TP73: variants seen among roughly 807,000 people sequenced by gnomAD.
The protein encoded by TP73 is tumor protein p73.
In TP73, 25 loss-of-function variants were observed where a neutral mutation model predicts 62.5. That is an observed-to-expected ratio of 0.40 (90% CI 0.29 to 0.56). The LOEUF is 0.56. TP73 is among the 20% of genes least tolerant of loss of function. The pLI is 0.46. For synonymous variants in TP73, 423 were observed against 377.5 expected (o/e 1.12, Z -1.40); for missense variants, 754 against 913.3 (o/e 0.83, Z 2.25).
rs1307783593 is a variant in TP73 at position 3,735,608 on chromosome 1, G to C, written c.*2529G>C. On this transcript the variant is annotated 3_prime_UTR_variant, in exon 14 of 14. Coordinates refer to ENST00000378295, the MANE Select transcript of TP73 (RefSeq NM_005427.4). ...AGAAAATGCAAATTCCCAGGAACAA[G>C]AATCCTTTAAGTGATATGTTTTTAT... 1 of 152,244 alleles carries C rather than the reference G, an allele frequency of 6.6e-6. No homozygotes were observed. Among genetic ancestry groups the C allele is most frequent in the African/African-American group, 2.4e-5 (1 of 41,458 alleles). The allele number at this position is 152,244 out of a possible 1,614,324, so 9.4% of individuals were successfully genotyped here.
intron 3 of TP73, among the ~76,000 whole-genome samples, chr1:3,689,635 G>A (rs556358271): frequency 3.4e-4 from 52 of 152,308 alleles, no homozygotes; most frequent in African/African-American, 1.2e-3. Flanking sequence ...GGCTCTCGGT[G>A]GGGACGACAG....
At chr1:3,692,270 G>A (rs997103617) in intron 3 of TP73, among the ~76,000 whole-genome samples, 3 of 152,300 alleles carry the variant, frequency 2.0e-5, no homozygotes, top group South Asian at 4.1e-4. Context: ...TGAGAAGAGA[G>A]GCAGTGTGTG....
rs554550462 is a variant in TP73, at chr1:3,730,087, C to T, written c.1284C>T (p.Asn428=). The change falls in exon 11 of 14, where the codon AAC becomes AAT. Residue 428 remains asparagine, a synonymous_variant. Coordinates refer to ENST00000378295, the MANE Select transcript of TP73 (RefSeq NM_005427.4). ...HGGMNKLPSV[N]QLVGQPPPHS... is the part of the protein sequence containing the mutation. ...GCATGAACAAGCTGCCCTCCGTCAA[C>T]CAGCTGGTGGGCCAGCCTCCCCCGC... The T allele has an allele frequency of 1.3e-6, 2 of 1,595,462 alleles. No homozygotes were observed. Among genetic ancestry groups the T allele is most frequent in the South Asian group, 1.1e-5 (1 of 88,110 alleles).
chr1:3,707,028 C>T (rs74970632), intron 3 of TP73, among the ~76,000 whole-genome samples: 1 of 152,258 alleles, frequency 6.6e-6, no homozygotes, highest in African/African-American at 2.4e-5. Flanking sequence ...GAGGGCCAGA[C>T]CTAGTGAGAG....
intron 1 of TP73, among the ~76,000 whole-genome samples, chr1:3,676,224 T>C (rs1244138463): frequency 8.6e-6 from 1 of 116,042 alleles, no homozygotes; most frequent in Non-Finnish European, 1.8e-5. Flanking sequence ...GAAGGAGAGG[T>C]CAAAGGGACA....
chr1:3,673,675 G>C (rs529356298), intron 1 of TP73, among the ~76,000 whole-genome samples: 1 of 152,334 alleles, frequency 6.6e-6, no homozygotes, highest in Admixed American at 6.5e-5. Context: ...GGCACGAAGC[G>C]GTGGGGCAGG....
At chr1:3,668,802 G>C (rs1215003198) in intron 1 of TP73, 1 of 152,382 alleles carries the variant, frequency 6.6e-6, no homozygotes, top group Non-Finnish European at 1.5e-5. Flanking sequence ...TCCACAATGA[G>C]GAGTAGAAAC....
At chr1:3,725,747 G>GGGGA (rs1553146265) in intron 6 of TP73, among the ~76,000 whole-genome samples, 1 of 36,668 alleles carries the variant, frequency 2.7e-5, no homozygotes, top group Non-Finnish European at 5.1e-5. Context: ...AAATGGGGGA[G>GGGGA]TGGATGGATG....
In TP73 at chr1:3,663,214, G is replaced by A. The variant is rs1345809226; in HGVS notation, c.-34+10573G>A. ...GGTGGCTGCGGCACCTACAAAGACA[G>A]GTTAACAAGAGGACCCTCTGCCTAT... On this transcript the variant is annotated intron_variant, in intron 1 of 13. Transcript: ENST00000378295. The surrounding 1 kb of genome is among the most constrained non-coding windows in gnomAD (Gnocchi z 4.7). Among the ~76,000 whole-genome samples the A allele has an allele frequency of 6.6e-6, 1 of 152,176 alleles. No homozygotes were observed. Among genetic ancestry groups the A allele is most frequent in the Non-Finnish European group, 1.5e-5 (1 of 68,036 alleles).
intron 1 of TP73, among the ~76,000 whole-genome samples, chr1:3,664,747 G>A (rs1289709377): frequency 2.6e-5 from 4 of 152,146 alleles, no homozygotes; most frequent in South Asian, 4.1e-4. Context: ...TAGAGTCTGT[G>A]GGAGGCCTCG....
chr1:3,731,747 G>C (rs971931324), intron 13 of TP73, among the ~76,000 whole-genome samples, 191 bp downstream of exon 13: 2 of 152,214 alleles, frequency 1.3e-5, no homozygotes, highest in Non-Finnish European at 2.9e-5. Flanking sequence ...CTGGTGGCGC[G>C]GGACACAGGC....
At position 3,731,029 on chromosome 1, in the gene TP73, C is replaced by T. The variant is rs574845163; in HGVS notation, c.1448C>T (p.Pro483Leu). The change falls in exon 12 of 14, where the codon CCG (proline) becomes CTG (leucine). Residue 483 changes from proline to leucine, a missense_variant. By Grantham distance (98) the Pro-to-Leu change is moderately conservative. This residue lies in a region of TP73 where 458 missense variants were observed against 528.7 expected (regional missense o/e 0.87). Coordinates refer to ENST00000378295, the MANE Select transcript of TP73 (RefSeq NM_005427.4). ...ATGGTCTCGGGGTCCCACTGCACTC[C>T]GCCACCCCCCTACCACGCCGACCCC... is the stretch of plus-strand genomic sequence containing the variant. ...QSMVSGSHCTPPPPYHADPSL... is the reference protein window; with the variant it reads ...QSMVSGSHCTLPPPYHADPSL... The T allele has an allele frequency of 5.3e-5, 86 of 1,612,406 alleles. No individual in the cohort carries two copies. In the East Asian group the frequency reaches 6.5e-4, roughly 12 times the overall value.
intron 3 of TP73, among the ~76,000 whole-genome samples, chr1:3,694,999 C>T (rs1638500205): frequency 6.6e-6 from 1 of 152,260 alleles, no homozygotes. Flanking sequence ...CAATCCCAGC[C>T]ATGCTCTTCA....
At chr1:3,679,134 G>A (rs966176301) in intron 1 of TP73, among the ~76,000 whole-genome samples, 11 of 152,208 alleles carry the variant, frequency 7.2e-5, no homozygotes, top group African/African-American at 1.7e-4. Context: ...CTGGGTCTCC[G>A]GCAGGCAGAG....
At chr1:3,723,032 C>G (rs1339855194) in intron 5 of TP73, among the ~76,000 whole-genome samples, 2 of 148,822 alleles carry the variant, frequency 1.3e-5, no homozygotes, top group African/African-American at 2.5e-5. Context: ...GGGGTGGGCA[C>G]CTCTCTGCAC....
At chr1:3,690,579 C>A in intron 3 of TP73, 3 of 1,186,254 alleles carry the variant, frequency 2.5e-6, no homozygotes, top group Non-Finnish European at 3.2e-6. Flanking sequence ...CTCCTTGGTG[C>A]GGTCCAACAC....
intron 6 of TP73, among the ~76,000 whole-genome samples, chr1:3,725,773 T>G (rs1177924501): frequency 1.4e-3 from 66 of 48,128 alleles, no homozygotes; most frequent in Non-Finnish European, 1.8e-3. Flanking sequence ...GGTGGGGGGG[T>G]GGATGGATGG....
intron 4 of TP73, among the ~76,000 whole-genome samples, chr1:3,713,701 G>A (rs1332141399): frequency 2.0e-5 from 3 of 152,128 alleles, no homozygotes; most frequent in African/African-American, 4.8e-5. Context: ...TCCCTTTTCC[G>A]AGGAGCCTCA....
intron 4 of TP73, among the ~76,000 whole-genome samples, chr1:3,714,020 C>A (rs1199216916): frequency 6.6e-6 from 1 of 152,214 alleles, no homozygotes; most frequent in Non-Finnish European, 1.5e-5. Flanking sequence ...CACCCCTCCC[C>A]CAGCCATGCC....
Sources: gnomAD v4.1 joint callset for allele counts (sites outside exome capture counted in the v4.1 genomes callset) on GRCh38, gnomAD v4.1.1 for gene constraint, gnomAD v4.1.1 regional missense constraint, Gnocchi (gnomAD v3.1) non-coding constraint, MANE v1.5 for transcripts, NCBI Gene and HGNC (gene_info 2026-07-23, HGNC 2026-07-21) for gene names.